Variants in MLLT11 observed in about 807,000 individuals in gnomAD.
MLLT11 encodes the protein protein AF1q.
A neutral mutation model predicts 5.3 loss-of-function variants in MLLT11; 1 was observed. The observed-to-expected ratio is 0.19, with a 90% confidence interval of 0.07 to 0.89. The LOEUF is 0.89. Among genes scored for constraint, MLLT11 ranks in the 40% least tolerant of loss-of-function variants. MLLT11 has a pLI of 0.67. For synonymous variants in MLLT11, 38 were observed against 41.7 expected, an observed-to-expected ratio of 0.91 and a Z score of 0.34; for missense variants, 87 against 107.3, an observed-to-expected ratio of 0.81 and a Z score of 0.83.
rs185210112 is a variant in MLLT11, at chr1:151,067,725, T to A, written c.*228T>A. 763 of 575,430 alleles carry A rather than the reference T, an allele frequency of 1.3e-3. 2 individuals carry two copies. The highest frequency in any genetic ancestry group is 1.8e-3 in the Admixed American group (57 of 31,056). The allele number at this position is 575,430 out of a possible 1,614,324, so 35.6% of individuals were successfully genotyped here. On this transcript the variant is annotated 3_prime_UTR_variant, in exon 2 of 2. Transcript: ENST00000368921. ...ATGGTTCAAGCAATGGAGTACTGGG[T>A]CACAGGGATTCCTCCTTTCCCCCCC...
At chr1:151,061,611 G>A (rs1293532758) in intron 1 of MLLT11, among the ~76,000 whole-genome samples, 1 of 152,196 alleles carries the variant, frequency 6.6e-6, no homozygotes, top group Non-Finnish European at 1.5e-5. Flanking sequence ...GATAATGAAA[G>A]ATGTAAAGAT....
At chr1:151,060,981 T>TTA (rs1676398103) in intron 1 of MLLT11, among the ~76,000 whole-genome samples, 1 of 151,978 alleles carries the variant, frequency 6.6e-6, no homozygotes, top group Non-Finnish European at 1.5e-5. Context: ...TGGGAGGGGG[T>TTA]TATATGGGAT....
chr1:151,062,459 T>G (rs1019709655), intron 1 of MLLT11, among the ~76,000 whole-genome samples: 1 of 151,810 alleles, frequency 6.6e-6, no homozygotes, highest in African/African-American at 2.4e-5. Context: ...ACCTCCCCAG[T>G]TCAAGCGATT....
chr1:151,067,708 A>T lies in MLLT11; in HGVS notation c.*211A>T. ...CTCAAGTCACAAAGTAAATGGTTCA[A>T]GCAATGGAGTACTGGGTCACAGGGA... On this transcript the variant is annotated 3_prime_UTR_variant, in exon 2 of 2. Coordinates refer to ENST00000368921, the MANE Select transcript of MLLT11 (RefSeq NM_006818.4). 2 of 616,680 alleles carry T rather than the reference A, an allele frequency of 3.2e-6. No homozygotes were observed. The highest frequency in any genetic ancestry group is 5.8e-6 in the Non-Finnish European group (2 of 345,680). The allele number at this position is 616,680 out of a possible 1,614,324, so 38.2% of individuals were successfully genotyped here.
chr1:151,066,930 G>C (rs963085294), intron 1 of MLLT11, among the ~76,000 whole-genome samples: 2 of 67,926 alleles, frequency 2.9e-5, no homozygotes, highest in African/African-American at 7.3e-5. Context: ...GTCTCATTGA[G>C]AGAAAAAAAA....
Position 151,061,314 on chromosome 1 carries a change from C to A in MLLT11, c.-7+761C>A, listed in dbSNP as rs587596354. Among the ~76,000 whole-genome samples the A allele has an allele frequency of 2.0e-5, 3 of 152,282 alleles. No homozygotes were observed. In the South Asian group the frequency reaches 6.2e-4, roughly 32 times the overall value. On this transcript the variant is annotated intron_variant, in intron 1 of 1. Transcript: ENST00000368921. The stretch of plus-strand genomic sequence containing the variant: ...ACCACCACCTTGTCCTTCCCCCTTC[C>A]CCATGGTGGCAGCATGACACAGCAA...
chr1:151,064,624 T>C (rs1008941743), intron 1 of MLLT11, among the ~76,000 whole-genome samples: 9 of 152,226 alleles, frequency 5.9e-5, no homozygotes, highest in African/African-American at 2.2e-4. Context: ...ATCCAAGCTC[T>C]GACTGAGGCA....
chr1:151,061,578 T>C (rs1676408263), intron 1 of MLLT11, among the ~76,000 whole-genome samples: 1 of 152,178 alleles, frequency 6.6e-6, no homozygotes, highest in African/African-American at 2.4e-5. Flanking sequence ...GTCAAAACCC[T>C]TTAAGTAAAT....
chr1:151,067,116 A>AT, intron 1 of MLLT11, 103 bp from the exon 2 acceptor site: 2 of 949,648 alleles, frequency 2.1e-6, no homozygotes, highest in Non-Finnish European at 3.1e-6. Flanking sequence ...AAAAAAAAAA[A>AT]GAAATTCCTT....
At chr1:151,063,785 T>C (rs1676440080) in intron 1 of MLLT11, among the ~76,000 whole-genome samples, 1 of 152,214 alleles carries the variant, frequency 6.6e-6, no homozygotes, top group South Asian at 2.1e-4. Context: ...TAGGCAGCTC[T>C]AATAGTCCTA....
intron 1 of MLLT11, among the ~76,000 whole-genome samples, chr1:151,061,575 C>A (rs587627182): frequency 6.6e-6 from 1 of 152,148 alleles, no homozygotes; most frequent in Admixed American, 6.5e-5. Context: ...ACTGTCAAAA[C>A]CCTTTAAGTA....
chr1:151,062,586 T>C lies in MLLT11; in HGVS notation c.-7+2033T>C, dbSNP rs757740901. ...CTATCTTGGCCAGGCTGGTCTCGAATTCCTGACCTTGTGATCCACCTGCCT... is the reference window on the plus strand; with the variant it reads ...CTATCTTGGCCAGGCTGGTCTCGAACTCCTGACCTTGTGATCCACCTGCCT... On this transcript the variant is annotated intron_variant, in intron 1 of 1. Transcript: ENST00000368921. Among the ~76,000 whole-genome samples the C allele has an allele frequency of 4.7e-4, 71 of 152,060 alleles. 2 individuals are homozygous for C. In the Middle Eastern group the frequency reaches 0.01, roughly 22 times the overall value.
intron 1 of MLLT11, among the ~76,000 whole-genome samples, chr1:151,060,829 A>G (rs587771092): frequency 1.3e-5 from 2 of 152,304 alleles, no homozygotes; most frequent in Non-Finnish European, 1.5e-5. Flanking sequence ...TAATATCTTC[A>G]GTCTACTTAT....
rs1676492558 is a variant in MLLT11, at chr1:151,067,550, C to T, written c.*53C>T. On this transcript the variant is annotated 3_prime_UTR_variant, in exon 2 of 2. Transcript: ENST00000368921. ...TGCCCTCATTGTCTTCCCTCTCAAG[C>T]CCCTTCCTTTCCACTCCTTTCCCAT... The T allele has an allele frequency of 1.3e-6, 2 of 1,556,360 alleles. No individual in the cohort carries two copies. Among genetic ancestry groups the T allele is most frequent in the Non-Finnish European group, 1.8e-6 (2 of 1,138,344 alleles).
In MLLT11 at chr1:151,069,540, A is replaced by G. The variant is rs1052560966; in HGVS notation, c.*2043A>G. Among the ~76,000 whole-genome samples, 1 of 152,214 alleles carries G rather than the reference A, an allele frequency of 6.6e-6. No individual in the cohort carries two copies. The highest frequency in any genetic ancestry group is 2.1e-4 in the South Asian group (1 of 4,830). ...ACTGTTTGGTAAATAAAGTGACTAA[A>G]TGGATTTGCAAACTCATGCTCCATC... On this transcript the variant is annotated 3_prime_UTR_variant, in exon 2 of 2. Transcript: ENST00000368921.
At chr1:151,061,905 T>TCTC in intron 1 of MLLT11, among the ~76,000 whole-genome samples, 1 of 152,194 alleles carries the variant, frequency 6.6e-6, no homozygotes, top group Non-Finnish European at 1.5e-5. Context: ...CATAGAGATT[T>TCTC]TAGGCCTTTT....
At chr1:151,065,812 T>C (rs1676467901) in intron 1 of MLLT11, among the ~76,000 whole-genome samples, 1 of 152,178 alleles carries the variant, frequency 6.6e-6, no homozygotes, top group African/African-American at 2.4e-5. Context: ...GGGGTTCCTC[T>C]ATAGACTTGG....
chr1:151,063,707 A>G (rs973387053), intron 1 of MLLT11, among the ~76,000 whole-genome samples: 2 of 152,060 alleles, frequency 1.3e-5, no homozygotes, highest in Non-Finnish European at 2.9e-5. Context: ...TTACAGGCGT[A>G]AGCCACCACG....
At chr1:151,065,335 A>G (rs587736090) in intron 1 of MLLT11, among the ~76,000 whole-genome samples, 1 of 152,300 alleles carries the variant, frequency 6.6e-6, no homozygotes, top group Admixed American at 6.5e-5. Context: ...TTAGCTTTTT[A>G]AATTGCAAGA....
Sources: gnomAD v4.1 joint callset for allele counts (sites outside exome capture counted in the v4.1 genomes callset) on GRCh38, gnomAD v4.1.1 for gene constraint, MANE v1.5 for transcripts, NCBI Gene and HGNC (gene_info 2026-07-23, HGNC 2026-07-21) for gene names.